Variants in DAB1 observed in about 807,000 individuals in gnomAD.
DAB1 encodes the protein disabled homolog 1.
Under a neutral mutation model 64.6 loss-of-function variants are expected in DAB1, and 15 were observed. The observed-to-expected ratio is 0.23, with a 90% CI of 0.16 to 0.36. The LOEUF (loss-of-function observed/expected upper bound fraction) is 0.36. Among genes scored for constraint, DAB1 ranks in the 10% least tolerant of loss-of-function variants. The pLI is 1.00. For missense variants in DAB1, 596 were observed against 706.7 expected (o/e 0.84, Z 1.78); for synonymous variants, 235 against 251.9 (o/e 0.93, Z 0.64).
chr1:58,518,619 C>T (rs906776398), intron 2 of DAB1, among the ~76,000 whole-genome samples: 18 of 131,176 alleles, frequency 1.4e-4, no homozygotes, highest in Non-Finnish European at 2.0e-4. Context: ...TGATAAAGAA[C>T]GAATATCTTT....
chr1:58,079,769 T>C (rs1376724767), intron 5 of DAB1, among the ~76,000 whole-genome samples: 1 of 151,930 alleles, frequency 6.6e-6, no homozygotes, highest in African/African-American at 2.4e-5. Context: ...TCCACCTGCC[T>C]CAACCTCCCA....
chr1:57,091,896 T>C (rs150984729), intron 4 of DAB1, among the ~76,000 whole-genome samples: 1 of 152,346 alleles, frequency 6.6e-6, no homozygotes, highest in African/African-American at 2.4e-5. Flanking sequence ...TACCTTCTCC[T>C]ACAGTTGAGA....
chr1:58,379,134 C>G (rs1040732603), intron 3 of DAB1, among the ~76,000 whole-genome samples: 2 of 151,848 alleles, frequency 1.3e-5, no homozygotes, highest in East Asian at 1.9e-4. Flanking sequence ...AGAAATCACC[C>G]GTCTTCTGCG....
intron 7 of DAB1, among the ~76,000 whole-genome samples, chr1:57,640,055 G>A (rs1181544868): frequency 6.6e-6 from 1 of 152,148 alleles, no homozygotes; most frequent in African/African-American, 2.4e-5. Context: ...GCAGAAGCAT[G>A]GCACGAGAGG....
At chr1:58,304,806 C>T (rs940247491) in intron 4 of DAB1, among the ~76,000 whole-genome samples, 2 of 152,076 alleles carry the variant, frequency 1.3e-5, no homozygotes, top group African/African-American at 2.4e-5. Context: ...TCTGACGCAG[C>T]AGGACTGAGA....
At chr1:57,912,824 G>T (rs537010377) in intron 5 of DAB1, among the ~76,000 whole-genome samples, 1 of 152,152 alleles carries the variant, frequency 6.6e-6, no homozygotes, top group Non-Finnish European at 1.5e-5. Context: ...GCCAACTCAT[G>T]AGTGAACTCC....
At chr1:58,310,668 G>A (rs1662410090) in intron 4 of DAB1, among the ~76,000 whole-genome samples, 2 of 152,054 alleles carry the variant, frequency 1.3e-5, no homozygotes, top group South Asian at 4.1e-4. Flanking sequence ...AGGCCCATGG[G>A]GACTCCGCTT....
In DAB1 at chr1:57,207,658, A is replaced by G. The variant is rs558883181; in HGVS notation, c.68-62229T>C. Among the ~76,000 whole-genome samples the G allele has an allele frequency of 1.1e-4, 16 of 149,838 alleles. 1 individual carries two copies. The highest frequency in any genetic ancestry group is 3.9e-4 in the African/African-American group (16 of 40,716). Reference sequence around the variant, plus strand: ...CGGGGTTTCACCGTTTTTAGCCGGGATGGTCTTGATCTCCTGACCTCGTGA... The same window carrying G: ...CGGGGTTTCACCGTTTTTAGCCGGGGTGGTCTTGATCTCCTGACCTCGTGA... On this transcript the variant is annotated intron_variant, in intron 2 of 14. Coordinates refer to ENST00000371236, the MANE Select transcript of DAB1 (RefSeq NM_001365792.1).
chr1:58,041,658 C>T lies in DAB1; in HGVS notation n.387+108853G>A, dbSNP rs118158666. Among the ~76,000 whole-genome samples the T allele has an allele frequency of 7.3e-4, 111 of 152,300 alleles. 2 individuals are homozygous for T. In the East Asian group the frequency reaches 0.014, roughly 19 times the overall value. ...TGGCTGCAGAGTGCAGATGCTTAAA[C>T]GCTACCACACACCACCCTCAAAGAA... On this transcript the variant is annotated intron_variant and non_coding_transcript_variant, in intron 5 of 20. Coordinates refer to the DAB1 transcript ENST00000485760.
At chr1:58,030,101 G>A (rs1646949603) in intron 5 of DAB1, among the ~76,000 whole-genome samples, 1 of 152,074 alleles carries the variant, frequency 6.6e-6, no homozygotes, top group South Asian at 2.1e-4. Flanking sequence ...AGCTACTCGG[G>A]AGGCTGAGGC....
intron 3 of DAB1, among the ~76,000 whole-genome samples, chr1:58,457,935 T>C (rs1021609079): frequency 6.6e-6 from 1 of 152,188 alleles, no homozygotes; most frequent in African/African-American, 2.4e-5. Context: ...ATGCTATTTA[T>C]TGAAAGCCCA....
chr1:57,834,868 A>C (rs1652742662), intron 1 of DAB1, among the ~76,000 whole-genome samples: 1 of 152,132 alleles, frequency 6.6e-6, no homozygotes, highest in African/African-American at 2.4e-5. Flanking sequence ...TGGTCAACTG[A>C]AGTGTATTTC....
At chr1:57,791,542 GC>G (rs1012938734) in intron 6 of DAB1, among the ~76,000 whole-genome samples, 2 of 152,152 alleles carry the variant, frequency 1.3e-5, no homozygotes, top group African/African-American at 4.8e-5. Flanking sequence ...GTGAACTTGG[GC>G]AGGTTATTTA....
chr1:57,671,195 T>C (rs1646506462), intron 6 of DAB1, among the ~76,000 whole-genome samples: 1 of 152,178 alleles, frequency 6.6e-6, no homozygotes, highest in African/African-American at 2.4e-5. Context: ...GGTCAACATT[T>C]TGACCTTTTA....
intron 1 of DAB1, among the ~76,000 whole-genome samples, chr1:57,330,485 C>T (rs1338258069): frequency 6.6e-6 from 1 of 152,140 alleles, no homozygotes; most frequent in African/African-American, 2.4e-5. Flanking sequence ...TCTTACTGAG[C>T]CTCGGTTTCC....
intron 5 of DAB1, among the ~76,000 whole-genome samples, chr1:58,054,608 C>T (rs774696419): frequency 6.6e-6 from 1 of 152,212 alleles, no homozygotes. Context: ...GCTGTTGGGA[C>T]ATAAAACTGC....
rs182242938 is a variant in DAB1, at chr1:58,112,000, G to T, written n.387+38511C>A. 6.2e-4 allele frequency among the ~76,000 whole-genome samples: 95 copies of T among 152,234 alleles called. 1 individual carries two copies. In the South Asian group the frequency reaches 0.02, roughly 31 times the overall value. ...ACACAAACCTCGACCTACACCATCCGTCTAACTCTGTCATGTCACTTGCAC... is the reference window on the plus strand; with the variant it reads ...ACACAAACCTCGACCTACACCATCCTTCTAACTCTGTCATGTCACTTGCAC... On this transcript the variant is annotated intron_variant and non_coding_transcript_variant, in intron 5 of 20. Transcript: ENST00000485760.
At chr1:57,849,798 A>G (rs1653438943) in intron 1 of DAB1, among the ~76,000 whole-genome samples, 1 of 152,230 alleles carries the variant, frequency 6.6e-6, no homozygotes, top group Non-Finnish European at 1.5e-5. Flanking sequence ...TTTTCCTGAC[A>G]GTAATTTCTT....
At chr1:58,209,235 TAG>T (rs1459932485) in intron 4 of DAB1, among the ~76,000 whole-genome samples, 1 of 152,184 alleles carries the variant, frequency 6.6e-6, no homozygotes, top group African/African-American at 2.4e-5. Flanking sequence ...GTTCTCCTAG[TAG>T]TTATAACCCA....
Sources: gnomAD v4.1 joint callset for allele counts (sites outside exome capture counted in the v4.1 genomes callset) on GRCh38, gnomAD v4.1.1 for gene constraint, MANE v1.5 for transcripts, NCBI Gene and HGNC (gene_info 2026-07-23, HGNC 2026-07-21) for gene names.